KCNMA1: variants seen among roughly 807,000 people sequenced by gnomAD.
The protein encoded by KCNMA1 is Calcium-activated potassium channel subunit alpha-1.
KCNMA1 carries 29 observed loss-of-function variants against 140.0 expected under a neutral mutation model. That is an observed-to-expected ratio of 0.21 (90% CI 0.15 to 0.28). The LOEUF (loss-of-function observed/expected upper bound fraction) is 0.28, where lower values mean the gene tolerates loss of function less well. Ranked by LOEUF, KCNMA1 falls within the 10% of genes least tolerant of loss-of-function variation. The pLI is 1.00. For missense variants in KCNMA1, 880 were observed against 1,602.2 expected (o/e 0.55, Z 7.70); for synonymous variants, 612 against 611.9 (o/e 1.00, Z 0.00).
At chr10:77,320,658 A>C (rs1165683305) in intron 2 of KCNMA1, among the ~76,000 whole-genome samples, 1 of 152,150 alleles carries the variant, frequency 6.6e-6, no homozygotes, top group South Asian at 2.1e-4. Context: ...CCTCGTTGTT[A>C]CCTGCCAGCA....
intron 1 of KCNMA1, among the ~76,000 whole-genome samples, chr10:77,444,395 CT>C (rs1444784039): frequency 1.3e-5 from 2 of 152,206 alleles, no homozygotes; most frequent in African/African-American, 2.4e-5. Context: ...GAACTTTTCT[CT>C]GTCTTCTTCA....
intron 14 of KCNMA1, among the ~76,000 whole-genome samples, chr10:77,069,126 T>G (rs1238267702): frequency 6.6e-6 from 1 of 152,110 alleles, no homozygotes; most frequent in Non-Finnish European, 1.5e-5. Context: ...GCTGAGGCAA[T>G]AGCAGATAGG....
chr10:77,573,684 A>T (rs2072835120), intron 1 of KCNMA1, among the ~76,000 whole-genome samples: 1 of 149,216 alleles, frequency 6.7e-6, no homozygotes, highest in Non-Finnish European at 1.5e-5. Context: ...AATAGAATAG[A>T]ATAGAATAGA....
At chr10:77,481,164 C>T (rs2098389128) in intron 1 of KCNMA1, among the ~76,000 whole-genome samples, 1 of 150,718 alleles carries the variant, frequency 6.6e-6, no homozygotes, top group African/African-American at 2.4e-5. Context: ...CACACGCGTG[C>T]ACACACACAC....
At chr10:77,317,938 G>T (rs933271073) in intron 2 of KCNMA1, among the ~76,000 whole-genome samples, 13 of 152,120 alleles carry the variant, frequency 8.5e-5, no homozygotes, top group African/African-American at 2.9e-4. Context: ...TTGACTCCTG[G>T]GTTGAGCCCG....
At chr10:77,383,838 G>A (rs759064204) in intron 2 of KCNMA1, among the ~76,000 whole-genome samples, 1 of 152,170 alleles carries the variant, frequency 6.6e-6, no homozygotes, top group Non-Finnish European at 1.5e-5. Flanking sequence ...GACTACAGGT[G>A]TGCACTACTA....
At chr10:77,023,077 C>A in intron 16 of KCNMA1, 1 of 347,020 alleles carries the variant, frequency 2.9e-6, no homozygotes, top group South Asian at 2.2e-5. Flanking sequence ...TCAGGTCCCT[C>A]CATGAGAGGA....
At chr10:77,506,596 A>AGAGAGAGGGTGTGT in intron 1 of KCNMA1, among the ~76,000 whole-genome samples, 1 of 83,532 alleles carries the variant, frequency 1.2e-5, no homozygotes. Context: ...AGAGAGAGAG[A>AGAGAGAGGGTGTGT]GTGTGTGTGT....
chr10:77,073,731 C>G (rs187289890), intron 13 of KCNMA1, among the ~76,000 whole-genome samples: 84 of 152,238 alleles, frequency 5.5e-4, no homozygotes, highest in African/African-American at 2.0e-3. Flanking sequence ...GATTGCTGGC[C>G]CCCCACCAGC....
At chr10:77,185,705 A>G (rs1446608138) in intron 3 of KCNMA1, among the ~76,000 whole-genome samples, 2 of 151,770 alleles carry the variant, frequency 1.3e-5, no homozygotes, top group East Asian at 3.9e-4. Flanking sequence ...TCAAAAGGGT[A>G]CTACTATACA....
chr10:77,493,631 A>G (rs1433036541), intron 1 of KCNMA1, among the ~76,000 whole-genome samples: 1 of 152,242 alleles, frequency 6.6e-6, no homozygotes, highest in Non-Finnish European at 1.5e-5. Context: ...CACCACGTCA[A>G]TCAATCAACG....
intron 19 of KCNMA1, among the ~76,000 whole-genome samples, chr10:76,988,346 G>T (rs2081850267): frequency 6.6e-6 from 1 of 152,114 alleles, no homozygotes; most frequent in Non-Finnish European, 1.5e-5. Context: ...AGGTGATGAT[G>T]TGAAGTCTCA....
In KCNMA1 at chr10:77,413,739, G is replaced by T. The variant is rs549848451; in HGVS notation, c.379-9716C>A. On this transcript the variant is annotated intron_variant, in intron 1 of 27. Coordinates refer to ENST00000286628, the MANE Select transcript of KCNMA1 (RefSeq NM_001161352.2). ...ATCACTTCTCCTGCTCTGCACCCCG[G>T]AGACTCTGCACCAGCAGGGCTTAAG... Among the ~76,000 whole-genome samples, 206 of 152,268 alleles carry T rather than the reference G, an allele frequency of 1.4e-3. 1 individual carries two copies. Among genetic ancestry groups the T allele is most frequent in the Non-Finnish European group, 2.2e-3 (150 of 68,036 alleles).
At chr10:77,615,119 T>C (rs1179135320) in intron 1 of KCNMA1, among the ~76,000 whole-genome samples, 1 of 152,142 alleles carries the variant, frequency 6.6e-6, no homozygotes, top group East Asian at 1.9e-4. Flanking sequence ...CCTCAGCCTA[T>C]CAGAGTAGCA....
At chr10:77,280,145 T>G (rs1266437142) in intron 2 of KCNMA1, among the ~76,000 whole-genome samples, 1 of 152,182 alleles carries the variant, frequency 6.6e-6, no homozygotes, top group Non-Finnish European at 1.5e-5. Context: ...GGTGTGCTTA[T>G]CTTGAAATCT....
chr10:77,476,994 A>G (rs1290371542), intron 1 of KCNMA1, among the ~76,000 whole-genome samples: 1 of 152,218 alleles, frequency 6.6e-6, no homozygotes, highest in Non-Finnish European at 1.5e-5. Flanking sequence ...AGGTGAAAAC[A>G]TTTTTAGAAA....
At chr10:77,126,999 A>AT (rs1427158166) in intron 5 of KCNMA1, among the ~76,000 whole-genome samples, 1 of 151,770 alleles carries the variant, frequency 6.6e-6, no homozygotes, top group Non-Finnish European at 1.5e-5. Flanking sequence ...AAGAATTACA[A>AT]TAGCGTAGGA....
At chr10:77,443,214 C>A (rs1440765135) in intron 1 of KCNMA1, among the ~76,000 whole-genome samples, 2 of 152,102 alleles carry the variant, frequency 1.3e-5, no homozygotes, top group East Asian at 3.9e-4. Flanking sequence ...TATGTTTTCC[C>A]AATGGAAAGC....
intron 23 of KCNMA1, among the ~76,000 whole-genome samples, chr10:76,926,096 G>A (rs1243216640): frequency 6.6e-6 from 1 of 152,166 alleles, no homozygotes; most frequent in Non-Finnish European, 1.5e-5. Context: ...TGGGATCTTG[G>A]ATCTTGGGGT....
Sources: gnomAD v4.1 joint callset for allele counts (sites outside exome capture counted in the v4.1 genomes callset) on GRCh38, gnomAD v4.1.1 for gene constraint, MANE v1.5 for transcripts, NCBI Gene and HGNC (gene_info 2026-07-23, HGNC 2026-07-21) for gene names.